Variants in ZNF292 observed in about 807,000 individuals in gnomAD.
ZNF292 encodes zinc finger protein 292.
ZNF292 carries 26 observed loss-of-function variants against 217.9 expected under a neutral mutation model. That is an observed-to-expected ratio of 0.12 (90% confidence interval 0.09 to 0.17). The LOEUF is 0.17. ZNF292 is among the 10% of genes least tolerant of loss of function. ZNF292 has a pLI of 1.00. For synonymous variants in ZNF292, 1,257 were observed against 1,124.1 expected (o/e 1.12, Z -2.37); for missense variants, 2,904 against 3,175.2 (o/e 0.91, Z 2.05).
intron 4 of ZNF292, among the ~76,000 whole-genome samples, chr6:87,225,638 T>C (rs1582452231): frequency 1.3e-5 from 2 of 152,316 alleles, no homozygotes; most frequent in Admixed American, 6.5e-5. Context: ...TTTTTTAATA[T>C]AATTAATTTT....
In ZNF292 at chr6:87,259,796, C is replaced by G; in HGVS notation, c.6167C>G (p.Ser2056Cys). ...AAAAGTCCTGACAAAACAGAAAGTT[C>G]TTTACAAGTGATTACAGTTACTTCA... is the stretch of plus-strand genomic sequence containing the variant. ...EKKSPDKTESSLQVITVTSEQ... is the reference protein window; with the variant it reads ...EKKSPDKTESCLQVITVTSEQ... The change falls in exon 8 of 8, where the codon TCT becomes TGT. Residue 2056 changes from serine (S) to cysteine (C), a missense_variant. Ser to Cys is a moderately radical substitution (Grantham distance 112). Transcript: ENST00000369577. The G allele has an allele frequency of 6.2e-7, 1 of 1,607,864 alleles. No individual in the cohort carries two copies. The highest frequency in any genetic ancestry group is 8.5e-7 in the Non-Finnish European group (1 of 1,176,886).
intron 1 of ZNF292, among the ~76,000 whole-genome samples, chr6:87,208,014 T>G (rs954221680): frequency 6.6e-6 from 1 of 152,126 alleles, no homozygotes; most frequent in Non-Finnish European, 1.5e-5. Context: ...GCCTAGAAGG[T>G]AAAAAATTTT....
intron 1 of ZNF292, among the ~76,000 whole-genome samples, chr6:87,196,279 T>C (rs560583484): frequency 9.2e-5 from 14 of 152,214 alleles, no homozygotes; most frequent in Non-Finnish European, 2.1e-4. Context: ...AATGTGATGT[T>C]TTTTTCCTCT....
At position 87,255,131 on chromosome 6, in the gene ZNF292, T is replaced by G. The variant is rs776200057; in HGVS notation, c.1502T>G (p.Val501Gly). Residue 501 changes from valine (V) to glycine (G), a missense_variant, in exon 8 of 8, where the codon GTT (valine) becomes GGT (glycine). By Grantham distance (109) the Val-to-Gly change is moderately radical. Around this residue, in one of 15 missense-constraint regions of ZNF292, gnomAD observed 87 missense variants for 99.6 expected, o/e 0.87. Transcript: ENST00000369577. ...TCTATGAATGGGCTTTCTGGTGGAG[T>G]TGGTGCTAATTCTGGCCTTCTTAAA... ...ETSMNGLSGG[V>G]GANSGLLKDI... 2 of 1,613,500 alleles carry G rather than the reference T, an allele frequency of 1.2e-6. No homozygotes were observed. Among genetic ancestry groups the G allele is most frequent in the Middle Eastern group, 1.6e-4 (1 of 6,062 alleles).
At chr6:87,165,664 G>T (rs1770888565) in intron 1 of ZNF292, among the ~76,000 whole-genome samples, 1 of 151,654 alleles carries the variant, frequency 6.6e-6, no homozygotes. Flanking sequence ...AAAGTAGGCA[G>T]TTCCTATGTT....
At position 87,258,846 on chromosome 6, in the gene ZNF292, A is replaced by G. The variant is rs1217633932; in HGVS notation, c.5217A>G (p.Ser1739=). The part of the protein sequence containing the change: ...QMMALNSCTT[S]INSDLQISED... Reference sequence around the variant, plus strand: ...TGGCTTTGAATTCATGCACAACTTCAATAAATTCTGATTTGCAGATTTCTG... The same window carrying G: ...TGGCTTTGAATTCATGCACAACTTCGATAAATTCTGATTTGCAGATTTCTG... Residue 1739 remains serine (S), a synonymous_variant, in exon 8 of 8, where the codon TCA becomes TCG. Coordinates refer to ENST00000369577, the MANE Select transcript of ZNF292 (RefSeq NM_015021.3). 6.2e-7 allele frequency: 1 copy of G among 1,611,442 alleles called. No homozygotes were observed. Among genetic ancestry groups the G allele is most frequent in the Non-Finnish European group, 8.5e-7 (1 of 1,178,650 alleles).
intron 4 of ZNF292, among the ~76,000 whole-genome samples, chr6:87,226,435 C>A (rs372366337): frequency 6.6e-6 from 1 of 151,654 alleles, no homozygotes; most frequent in Admixed American, 6.6e-5. Context: ...AGAGAGCTAG[C>A]GATAACTAAT....
At chr6:87,159,375 A>G (rs953254118) in intron 1 of ZNF292, among the ~76,000 whole-genome samples, 50 of 151,404 alleles carry the variant, frequency 3.3e-4, no homozygotes, top group African/African-American at 9.7e-4. Context: ...ATTTTTTTAT[A>G]TATTTTATTT....
intron 1 of ZNF292, among the ~76,000 whole-genome samples, chr6:87,179,296 G>T (rs1322407756): frequency 2.0e-5 from 3 of 151,698 alleles, no homozygotes; most frequent in African/African-American, 7.3e-5. Flanking sequence ...GAGTAGCTGG[G>T]ATTACAGGTG....
intron 1 of ZNF292, among the ~76,000 whole-genome samples, chr6:87,159,919 T>G (rs950298261): frequency 1.3e-5 from 2 of 152,226 alleles, no homozygotes; most frequent in African/African-American, 4.8e-5. Context: ...TTAGAATAAG[T>G]ATATAGAATA....
Position 87,258,011 on chromosome 6 carries a change from G to A in ZNF292, c.4382G>A (p.Arg1461His), listed in dbSNP as rs376819692. ...PSFLQLLAEN[R>H]SPAFLPNTFP... ...TTTCTACAGCTTCTTGCTGAAAATC[G>A]CTCGCCAGCATTTTTACCAAATACA... Residue 1461 changes from arginine (R) to histidine (H), a missense_variant, in exon 8 of 8, where the codon CGC becomes CAC. Physicochemically the swap from Arg to His is conservative, Grantham distance 29 (BLOSUM62 0). Coordinates refer to ENST00000369577, the MANE Select transcript of ZNF292 (RefSeq NM_015021.3). The A allele has an allele frequency of 3.6e-5, 58 of 1,613,758 alleles. 1 individual carries two copies. The highest frequency in any genetic ancestry group is 2.6e-4 in the South Asian group (24 of 91,068).
intron 5 of ZNF292, among the ~76,000 whole-genome samples, chr6:87,238,485 CAAAAAAA>C (rs752151881): frequency 3.6e-4 from 36 of 99,706 alleles, no homozygotes; most frequent in African/African-American, 1.3e-3. Flanking sequence ...GTCTCCATCT[CAAAAAAA>C]AAAAAAAAGT....
chr6:87,260,390 G>A lies in ZNF292; in HGVS notation c.6761G>A (p.Gly2254Asp). Residue 2254 changes from glycine to aspartate, a missense_variant, in exon 8 of 8, where the codon GGT becomes GAT. Physicochemically the swap from Gly to Asp is moderately conservative, Grantham distance 94. This residue lies in a region of ZNF292 where 55 missense variants were observed against 99.8 expected (regional missense o/e 0.55). Coordinates refer to ENST00000369577, the MANE Select transcript of ZNF292 (RefSeq NM_015021.3). The part of the protein sequence containing the change: ...GLRASKTEED[G>D]VYKCDCEGCD... ...AGGGCAAGTAAAACAGAAGAAGATG[G>A]TGTATACAAATGTGATTGTGAAGGC... 1.2e-6 allele frequency: 2 copies of A among 1,613,576 alleles called. No homozygotes were observed. The highest frequency in any genetic ancestry group is 1.7e-6 in the Non-Finnish European group (2 of 1,179,652).
At position 87,185,350 on chromosome 6, in the gene ZNF292, A is replaced by G. The variant is rs76207940; in HGVS notation, c.168+29591A>G. On this transcript the variant is annotated intron_variant, in intron 1 of 7. Coordinates refer to ENST00000369577, the MANE Select transcript of ZNF292 (RefSeq NM_015021.3). ...GACTTCCGGGATTTTGATATTTTGG[A>G]TTTCAACATTTAGGATTGTGTGTTT... Among the ~76,000 whole-genome samples the G allele has an allele frequency of 3.3e-3, 502 of 152,240 alleles. 2 individuals carry two copies. Among genetic ancestry groups the G allele is most frequent in the African/African-American group, 0.012 (483 of 41,540 alleles).
chr6:87,252,619 A>T (rs1188391632), intron 7 of ZNF292, among the ~76,000 whole-genome samples: 1 of 152,136 alleles, frequency 6.6e-6, no homozygotes, highest in Non-Finnish European at 1.5e-5. Flanking sequence ...TTGGCCCTTA[A>T]TTCCTCCCAG....
At chr6:87,211,229 A>C (rs2127797519) in intron 1 of ZNF292, among the ~76,000 whole-genome samples, 1 of 152,234 alleles carries the variant, frequency 6.6e-6, no homozygotes, top group Middle Eastern at 3.5e-3. Context: ...GTTTACTCTA[A>C]TGGTTTGGTA....
At position 87,255,267 on chromosome 6, in the gene ZNF292, G is replaced by C. The variant is rs1775147505; in HGVS notation, c.1638G>C (p.Leu546Phe). The part of the protein sequence containing the change: ...NWQAYMQYCV[L>F]CDKEFLGHRI... ...AAGCCTACATGCAGTATTGTGTGTT[G>C]TGTGACAAAGAATTCCTTGGTCACA... Residue 546 changes from leucine (L) to phenylalanine (F), a missense_variant, in exon 8 of 8, where the codon TTG (leucine) becomes TTC (phenylalanine). Leu to Phe is a conservative substitution (Grantham distance 22). Around this residue, in one of 15 missense-constraint regions of ZNF292, gnomAD observed 87 missense variants for 99.6 expected, o/e 0.87. Coordinates refer to ENST00000369577, the MANE Select transcript of ZNF292 (RefSeq NM_015021.3). 3.1e-6 allele frequency: 5 copies of C among 1,613,726 alleles called. No individual in the cohort carries two copies. The highest frequency in any genetic ancestry group is 4.2e-6 in the Non-Finnish European group (5 of 1,179,824).
intron 5 of ZNF292, among the ~76,000 whole-genome samples, chr6:87,239,859 C>T (rs371160761): frequency 6.6e-6 from 1 of 151,832 alleles, no homozygotes; most frequent in Non-Finnish European, 1.5e-5. Context: ...GCGCTCCTCA[C>T]TTCCCAGACT....
chr6:87,236,197 T>A (rs900348563), intron 5 of ZNF292, among the ~76,000 whole-genome samples: 4 of 152,130 alleles, frequency 2.6e-5, no homozygotes, highest in African/African-American at 7.2e-5. Flanking sequence ...TTACAAGTAT[T>A]TGAGGTTTGG....
Sources: allele counts gnomAD v4.1 joint callset (sites outside exome capture counted in the v4.1 genomes callset), GRCh38; gene constraint gnomAD v4.1.1; regional missense constraint gnomAD v4.1.1; transcripts MANE v1.5; gene names NCBI Gene and HGNC (gene_info 2026-07-23, HGNC 2026-07-21).